Variants in SGCZ observed in about 807,000 individuals in gnomAD.
SGCZ encodes sarcoglycan zeta.
A neutral mutation model predicts 41.3 loss-of-function variants in SGCZ; 40 were observed. The observed-to-expected ratio is 0.97, with a 90% confidence interval of 0.75 to 1.26. The LOEUF is 1.26. SGCZ is among the 50% of genes most tolerant of loss of function. SGCZ has a pLI of 0.00. For synonymous variants in SGCZ, 206 were observed against 137.5 expected, an observed-to-expected ratio of 1.50 and a Z score of -3.49; for missense variants, 552 against 369.8, an observed-to-expected ratio of 1.49 and a Z score of -4.04.
chr8:14,983,140 G>C (rs1052608180), intron 1 of SGCZ, among the ~76,000 whole-genome samples: 1 of 151,844 alleles, frequency 6.6e-6, no homozygotes, highest in Non-Finnish European at 1.5e-5. Context: ...TGTACCTGCT[G>C]GTGCTTATTT....
intron 1 of SGCZ, among the ~76,000 whole-genome samples, chr8:14,823,329 A>C (rs1161857946): frequency 1.3e-5 from 2 of 152,128 alleles, no homozygotes; most frequent in African/African-American, 4.8e-5. Context: ...TGCAAACAAT[A>C]TATTTAACAA....
intron 1 of SGCZ, among the ~76,000 whole-genome samples, chr8:15,168,798 C>T (rs925391105): frequency 2.0e-5 from 3 of 152,170 alleles, no homozygotes; most frequent in Non-Finnish European, 4.4e-5. Context: ...TATGACGGGA[C>T]CCTCCCCTCA....
At chr8:14,362,895 T>G (rs1803576872) in intron 2 of SGCZ, among the ~76,000 whole-genome samples, 1 of 152,226 alleles carries the variant, frequency 6.6e-6, no homozygotes, top group Non-Finnish European at 1.5e-5. Flanking sequence ...ATAGTATTAT[T>G]GAGAGCATAA....
intron 2 of SGCZ, among the ~76,000 whole-genome samples, chr8:14,389,179 A>G (rs1804673671): frequency 6.6e-6 from 1 of 152,000 alleles, no homozygotes; most frequent in Admixed American, 6.6e-5. Flanking sequence ...ACTTGGAGAA[A>G]TCACTGACAA....
intron 2 of SGCZ, among the ~76,000 whole-genome samples, chr8:14,490,235 T>C (rs2117027134): frequency 1.3e-5 from 2 of 152,276 alleles, no homozygotes; most frequent in East Asian, 3.9e-4. Context: ...TAAGATAATA[T>C]TAGATTGAAT....
intron 1 of SGCZ, among the ~76,000 whole-genome samples, chr8:14,729,761 C>A (rs1810171372): frequency 6.6e-6 from 1 of 152,184 alleles, no homozygotes. Context: ...CAAAACAGTG[C>A]TACAAAACCT....
intron 1 of SGCZ, among the ~76,000 whole-genome samples, chr8:14,582,217 G>A (rs752765064): frequency 4.6e-5 from 7 of 151,912 alleles, no homozygotes; most frequent in Non-Finnish European, 8.8e-5. Context: ...ATAAGCAGTC[G>A]AAAGAAACCT....
chr8:15,001,312 G>A (rs1446847102), intron 1 of SGCZ, among the ~76,000 whole-genome samples: 2 of 152,174 alleles, frequency 1.3e-5, no homozygotes, highest in African/African-American at 2.4e-5. Context: ...ATCTTTCTGC[G>A]GCTGTTGGAT....
chr8:14,679,835 T>C (rs1188454491), intron 1 of SGCZ, among the ~76,000 whole-genome samples: 3 of 152,060 alleles, frequency 2.0e-5, no homozygotes, highest in Middle Eastern at 3.2e-3. Flanking sequence ...AAGTTTCCTA[T>C]ACAGATGTTT....
rs561296604 is a variant in SGCZ, at chr8:14,299,659, A to G, written c.336+24444T>C. ...AAAACCTAAACAGACTAATAATACT[A>G]AGTGTTGGCAAGGTTGTAGAGCAAT... On this transcript the variant is annotated intron_variant, in intron 3 of 7. Transcript: ENST00000382080. Among the ~76,000 whole-genome samples, 7 of 151,978 alleles carry G rather than the reference A, an allele frequency of 4.6e-5. No homozygotes were observed. In the South Asian group the frequency reaches 1.5e-3, roughly 32 times the overall value.
At chr8:14,901,738 C>T (rs1798979011) in intron 1 of SGCZ, among the ~76,000 whole-genome samples, 1 of 152,104 alleles carries the variant, frequency 6.6e-6, no homozygotes, top group Non-Finnish European at 1.5e-5. Flanking sequence ...AAGCAACGTA[C>T]ATGACAATGT....
chr8:15,147,621 A>G (rs991022229), intron 1 of SGCZ, among the ~76,000 whole-genome samples: 4 of 152,236 alleles, frequency 2.6e-5, no homozygotes, highest in African/African-American at 7.2e-5. Flanking sequence ...TTTCCGCTGA[A>G]AGTTGGGCAG....
At position 14,086,439 on chromosome 8, in the gene SGCZ, G is replaced by C. The variant is rs1290584398; in HGVS notation, c.*4004C>G. 2.0e-5 allele frequency among the ~76,000 whole-genome samples: 3 copies of C among 151,594 alleles called. No individual in the cohort carries two copies. The highest frequency in any genetic ancestry group is 1.9e-4 in the East Asian group (1 of 5,156). ...ATTTTTGTAAAACGAGGCATTCTCT[G>C]ATTGAGTCATTCGATAGAATATGTA... On this transcript the variant is annotated 3_prime_UTR_variant, in exon 8 of 8. Transcript: ENST00000382080.
At chr8:14,711,643 G>T (rs965200391) in intron 1 of SGCZ, among the ~76,000 whole-genome samples, 1 of 146,746 alleles carries the variant, frequency 6.8e-6, no homozygotes, top group Non-Finnish European at 1.5e-5. Context: ...CCCTTGTACG[G>T]AAAAAAATGC....
chr8:14,398,127 T>C (rs1306999798), intron 2 of SGCZ, among the ~76,000 whole-genome samples: 1 of 152,092 alleles, frequency 6.6e-6, no homozygotes, highest in African/African-American at 2.4e-5. Context: ...TTTCCCTGTC[T>C]GGAAAAACAA....
At chr8:15,016,086 G>A (rs1049960373) in intron 1 of SGCZ, among the ~76,000 whole-genome samples, 3 of 152,036 alleles carry the variant, frequency 2.0e-5, no homozygotes, top group South Asian at 2.1e-4. Flanking sequence ...TAGCCATAAC[G>A]AGTAAAATAT....
chr8:14,561,395 T>C (rs577586733), intron 1 of SGCZ, among the ~76,000 whole-genome samples: 1 of 152,290 alleles, frequency 6.6e-6, no homozygotes, highest in South Asian at 2.1e-4. Flanking sequence ...AGAGAGTTGA[T>C]CACAATTTTC....
chr8:15,077,841 C>T (rs1805594790), intron 1 of SGCZ, among the ~76,000 whole-genome samples: 1 of 152,202 alleles, frequency 6.6e-6, no homozygotes, highest in African/African-American at 2.4e-5. Flanking sequence ...TACCATATTT[C>T]TCTTTAAAAA....
At position 14,335,925 on chromosome 8, in the gene SGCZ, A is replaced by T. The variant is rs189516121; in HGVS notation, c.235-11721T>A. 2.9e-3 allele frequency among the ~76,000 whole-genome samples: 438 copies of T among 152,062 alleles called. 1 individual carries two copies. The highest frequency in any genetic ancestry group is 8.8e-3 in the African/African-American group (367 of 41,486). On this transcript the variant is annotated intron_variant, in intron 2 of 7. Coordinates refer to ENST00000382080, the MANE Select transcript of SGCZ (RefSeq NM_139167.4). ...ATTTATTTTTACAACCGTATTTTTTAAAAAAAACTTTTAGGTTCAGGGGTA... is the reference window on the plus strand; with the variant it reads ...ATTTATTTTTACAACCGTATTTTTTTAAAAAAACTTTTAGGTTCAGGGGTA...
Sources: gnomAD v4.1 joint callset for allele counts (sites outside exome capture counted in the v4.1 genomes callset) on GRCh38, gnomAD v4.1.1 for gene constraint, MANE v1.5 for transcripts, NCBI Gene and HGNC (gene_info 2026-07-23, HGNC 2026-07-21) for gene names.